BEND4: variants seen among roughly 807,000 people sequenced by gnomAD.
The protein encoded by BEND4 is BEN domain containing 4, also known as BEN domain-containing protein 4.
A neutral mutation model predicts 54.7 loss-of-function variants in BEND4; 27 were observed. The observed-to-expected ratio is 0.49, with a 90% CI of 0.36 to 0.68. The LOEUF is 0.68. Ranked by LOEUF, BEND4 falls within the 30% of genes least tolerant of loss-of-function variation. The pLI is 0.00. For synonymous variants in BEND4, 327 were observed against 299.5 expected (o/e 1.09, Z -0.95); for missense variants, 702 against 697.2 (o/e 1.01, Z -0.08).
intron 2 of BEND4, among the ~76,000 whole-genome samples, chr4:42,144,232 T>C (rs770385589): frequency 6.6e-6 from 1 of 152,222 alleles, no homozygotes; most frequent in Non-Finnish European, 1.5e-5. Flanking sequence ...ACGGCTGGAC[T>C]GTGACTTTGG....
At chr4:42,129,700 TC>T (rs1448485932) in intron 3 of BEND4, among the ~76,000 whole-genome samples, 2 of 152,178 alleles carry the variant, frequency 1.3e-5, no homozygotes, top group Non-Finnish European at 2.9e-5. Context: ...CTATACCCCT[TC>T]CTTATACCTT....
chr4:42,130,479 CA>C (rs55989085), intron 3 of BEND4, among the ~76,000 whole-genome samples: 810 of 64,912 alleles, frequency 0.012, no homozygotes, highest in South Asian at 0.047. Flanking sequence ...GAGTCCGTCT[CA>C]AAAAAAAAAA....
intron 3 of BEND4, among the ~76,000 whole-genome samples, chr4:42,128,991 T>C (rs1720406738): frequency 6.6e-6 from 1 of 152,130 alleles, no homozygotes; most frequent in Non-Finnish European, 1.5e-5. Context: ...AGCCAAACTG[T>C]CTCTGTTTGC....
chr4:42,148,784 T>C (rs1339122482), intron 2 of BEND4, among the ~76,000 whole-genome samples: 1 of 152,210 alleles, frequency 6.6e-6, no homozygotes, highest in Non-Finnish European at 1.5e-5. Context: ...GTACTCTGCT[T>C]AAAGATGCAA....
At chr4:42,135,212 C>A (rs2153146317) in intron 3 of BEND4, among the ~76,000 whole-genome samples, 1 of 152,150 alleles carries the variant, frequency 6.6e-6, no homozygotes, top group South Asian at 2.1e-4. Context: ...AGAGGTAGCA[C>A]CCAGAAGAAC....
In BEND4 at chr4:42,112,034, A is replaced by C. The variant is rs1719591143; in HGVS notation, c.*5484T>G. 1 of 152,236 alleles carries C rather than the reference A, an allele frequency of 6.6e-6. No individual in the cohort carries two copies. Among genetic ancestry groups the C allele is most frequent in the Non-Finnish European group, 1.5e-5 (1 of 68,048 alleles). The allele number at this position is 152,236 out of a possible 1,614,324, so 9.4% of individuals were successfully genotyped here. A position where few individuals can be genotyped will look rare whatever the true frequency, so the allele number is the denominator to read the frequency against. Reference sequence around the variant, plus strand: ...TGTATGTTCCTACCTAAGCATCGACATACTTTAGTAGTTTTTAGCAATACA... The same window carrying C: ...TGTATGTTCCTACCTAAGCATCGACCTACTTTAGTAGTTTTTAGCAATACA... On this transcript the variant is annotated 3_prime_UTR_variant, in exon 6 of 6. Coordinates refer to ENST00000502486, the MANE Select transcript of BEND4 (RefSeq NM_207406.4).
chr4:42,142,406 G>A (rs1188465866), intron 3 of BEND4, among the ~76,000 whole-genome samples: 2 of 148,536 alleles, frequency 1.3e-5, no homozygotes, highest in African/African-American at 4.9e-5. Flanking sequence ...GATCACCTGA[G>A]GTCAGGAGTT....
intron 4 of BEND4, among the ~76,000 whole-genome samples, chr4:42,122,823 G>C (rs950747720): frequency 3.9e-5 from 6 of 152,202 alleles, no homozygotes; most frequent in African/African-American, 1.4e-4. Context: ...TCTTACCAAG[G>C]AGGTCAAATC....
intron 2 of BEND4, among the ~76,000 whole-genome samples, chr4:42,150,603 T>G (rs73155341): frequency 6.6e-6 from 1 of 152,182 alleles, no homozygotes; most frequent in Non-Finnish European, 1.5e-5. Flanking sequence ...TAAAAGGCCT[T>G]GGCAGGAACT....
At chr4:42,131,308 G>A (rs970457698) in intron 3 of BEND4, among the ~76,000 whole-genome samples, 1 of 152,150 alleles carries the variant, frequency 6.6e-6, no homozygotes, top group Non-Finnish European at 1.5e-5. Flanking sequence ...CCTTGACCAT[G>A]TTAAATATAA....
At chr4:42,136,849 C>T (rs1228451229) in intron 3 of BEND4, among the ~76,000 whole-genome samples, 2 of 152,152 alleles carry the variant, frequency 1.3e-5, no homozygotes, top group African/African-American at 4.8e-5. Context: ...ACTCAACCAG[C>T]GTTAATTATT....
intron 3 of BEND4, among the ~76,000 whole-genome samples, chr4:42,140,867 T>C (rs574427851): frequency 9.2e-5 from 14 of 152,166 alleles, no homozygotes; most frequent in Non-Finnish European, 1.6e-4. Context: ...TTGGTTATGG[T>C]TCTGAGTGGC....
rs1369175512 is a variant in BEND4 at position 42,114,678 on chromosome 4, C to T, written c.*2840G>A. On this transcript the variant is annotated 3_prime_UTR_variant, in exon 6 of 6. Transcript: ENST00000502486. ...TGAAAGGCTCACAGAGCAATGACAG[C>T]ATCCGATCCTAGTGAGTGAGCTTTT... The T allele has an allele frequency of 6.6e-6, 1 of 150,612 alleles. No homozygotes were observed. Among genetic ancestry groups the T allele is most frequent in the African/African-American group, 2.4e-5 (1 of 41,370 alleles). The allele number at this position is 150,612 out of a possible 1,614,324, so 9.3% of individuals were successfully genotyped here.
chr4:42,139,567 C>G (rs1211042998), intron 3 of BEND4, among the ~76,000 whole-genome samples: 1 of 143,204 alleles, frequency 7.0e-6, no homozygotes, highest in Non-Finnish European at 1.6e-5. Context: ...AAGAACTGCT[C>G]CCAGGTATAA....
At chr4:42,146,406 T>C (rs1352724308) in intron 2 of BEND4, among the ~76,000 whole-genome samples, 2 of 152,240 alleles carry the variant, frequency 1.3e-5, no homozygotes, top group African/African-American at 2.4e-5. Flanking sequence ...TGTTAAACAA[T>C]TTGTTAGCTT....
chr4:42,152,276 G>T lies in BEND4; in HGVS notation c.-133C>A. On this transcript the variant is annotated 5_prime_UTR_variant, in exon 2 of 6. Transcript: ENST00000502486. ...GTGGGAGGGTGTGTGTCTGTGCCGT[G>T]GCCGCCGCCGCCGCCGCCTGTCGCT... 1.1e-6 allele frequency: 1 copy of T among 924,974 alleles called. No individual in the cohort carries two copies. Among genetic ancestry groups the T allele is most frequent in the Non-Finnish European group, 1.4e-6 (1 of 714,794 alleles). The allele number at this position is 924,974 out of a possible 1,614,324, so 57.3% of individuals were successfully genotyped here.
chr4:42,114,148 G>A lies in BEND4; in HGVS notation c.*3370C>T, dbSNP rs1317979813. On this transcript the variant is annotated 3_prime_UTR_variant, in exon 6 of 6. Transcript: ENST00000502486. The stretch of plus-strand genomic sequence containing the variant: ...ACAATGCACCGTCAAGAGTCAGTGA[G>A]AAATGTGACTTTAGTAACTGCTTGC... The A allele has an allele frequency of 1.3e-5, 2 of 152,182 alleles. No homozygotes were observed. The highest frequency in any genetic ancestry group is 3.9e-4 in the East Asian group (2 of 5,194). 9.4% of individuals were successfully genotyped at this position (152,182 alleles called of 1,614,324 possible). A position where few individuals can be genotyped will look rare whatever the true frequency, so the allele number is the denominator to read the frequency against.
rs115152092 is a variant in BEND4, at chr4:42,150,571, T to G, written c.487+1086A>C. Among the ~76,000 whole-genome samples the G allele has an allele frequency of 4.6e-3, 696 of 152,196 alleles. 4 individuals are homozygous for G. Among genetic ancestry groups the G allele is most frequent in the African/African-American group, 0.016 (665 of 41,554 alleles). ...TCTCAAGATTCACTGACATGCAGGA[T>G]TTGGGGGGCTTCAAAGTGCCATAAA... On this transcript the variant is annotated intron_variant, in intron 2 of 5. Coordinates refer to ENST00000502486, the MANE Select transcript of BEND4 (RefSeq NM_207406.4).
At chr4:42,135,874 T>A (rs1042218563) in intron 3 of BEND4, among the ~76,000 whole-genome samples, 1 of 152,196 alleles carries the variant, frequency 6.6e-6, no homozygotes, top group Non-Finnish European at 1.5e-5. Flanking sequence ...TAAAGCGATT[T>A]GGCAAAACAA....
Sources: gnomAD v4.1 joint callset for allele counts (sites outside exome capture counted in the v4.1 genomes callset) on GRCh38, gnomAD v4.1.1 for gene constraint, MANE v1.5 for transcripts, NCBI Gene and HGNC (gene_info 2026-07-23, HGNC 2026-07-21) for gene names.